GXYLT1: variants seen among roughly 807,000 people sequenced by gnomAD.
GXYLT1 encodes the protein glucoside xylosyltransferase 1.
A neutral mutation model predicts 54.0 loss-of-function variants in GXYLT1; 29 were observed. The ratio of observed to expected loss-of-function variants is 0.54; its 90% CI spans 0.40 to 0.73. The LOEUF is 0.73. Among genes scored for constraint, GXYLT1 ranks in the 30% least tolerant of loss-of-function variants. The pLI is 0.00. For synonymous variants in GXYLT1, 176 were observed against 204.1 expected (o/e 0.86, Z 1.17); for missense variants, 490 against 553.4 (o/e 0.89, Z 1.15).
intron 2 of GXYLT1, among the ~76,000 whole-genome samples, chr12:42,127,484 A>G (rs192391888): frequency 3.9e-5 from 6 of 152,338 alleles, no homozygotes; most frequent in African/African-American, 1.4e-4. Flanking sequence ...TTATGTATCC[A>G]TCCACATATG....
chr12:42,102,762 A>C (rs964365931), intron 5 of GXYLT1, among the ~76,000 whole-genome samples: 1 of 152,132 alleles, frequency 6.6e-6, no homozygotes, highest in African/African-American at 2.4e-5. Flanking sequence ...TAAATACCCT[A>C]ATAGGGATTC....
chr12:42,131,777 T>G (rs1258135845), intron 1 of GXYLT1, among the ~76,000 whole-genome samples: 1 of 152,216 alleles, frequency 6.6e-6, no homozygotes, highest in Non-Finnish European at 1.5e-5. Context: ...TCAGACTCAT[T>G]GATGGTAATA....
At chr12:42,115,566 C>T (rs1346287512) in intron 3 of GXYLT1, among the ~76,000 whole-genome samples, 1 of 152,116 alleles carries the variant, frequency 6.6e-6, no homozygotes. Flanking sequence ...AGGAATCCAA[C>T]TTACAAGGGA....
intron 5 of GXYLT1, among the ~76,000 whole-genome samples, chr12:42,102,583 A>G (rs2065396322): frequency 2.6e-5 from 4 of 152,174 alleles, no homozygotes; most frequent in Admixed American, 2.0e-4. Context: ...CAGTAGGTGG[A>G]GCAAACAGAC....
chr12:42,136,751 T>TATACATACATACATACATAC (rs58827513), intron 1 of GXYLT1, among the ~76,000 whole-genome samples: 1,781 of 147,470 alleles, frequency 0.012, 14 homozygotes, highest in Middle Eastern at 0.031. Context: ...GGAGGTTTTT[T>TATACATACATACATACATAC]ATACATACAT....
rs1237769388 is a variant in GXYLT1, at chr12:42,084,712, G to C, written c.*3074C>G. 1 of 152,274 alleles carries C rather than the reference G, an allele frequency of 6.6e-6. No individual in the cohort carries two copies. The highest frequency in any genetic ancestry group is 1.5e-5 in the Non-Finnish European group (1 of 68,048). The allele number at this position is 152,274 out of a possible 1,614,324, so 9.4% of individuals were successfully genotyped here. A position where few individuals can be genotyped will look rare whatever the true frequency, so the allele number is the denominator to read the frequency against. ...TAACATCTGACTGGAGGCAAGATGA[G>C]AGAGCAATGAGTAAGCACTAATGTT... is the stretch of plus-strand genomic sequence containing the variant. On this transcript the variant is annotated 3_prime_UTR_variant, in exon 8 of 8. Coordinates refer to ENST00000398675, the MANE Select transcript of GXYLT1 (RefSeq NM_173601.2).
At position 42,097,447 on chromosome 12, in the gene GXYLT1, T is replaced by C; in HGVS notation, c.1156A>G (p.Arg386Gly). 1 of 1,561,106 alleles carries C rather than the reference T, an allele frequency of 6.4e-7. No homozygotes were observed. The highest frequency in any genetic ancestry group is 8.6e-7 in the Non-Finnish European group (1 of 1,164,258). ...PAFRAVYEAL[R>G]NCSFEDDNIR... ...AAAGGAAAGGCAAATCTTACATTTC[T>C]CAGTGCTTCATAAACAGCTCTAAAT... is the stretch of plus-strand genomic sequence containing the variant. Residue 386 changes from arginine (R) to glycine (G), a missense_variant, in exon 7 of 8, where the codon AGA becomes GGA. Transcript: ENST00000398675.
intron 5 of GXYLT1, 74 bp downstream of exon 5, chr12:42,105,739 TAATAA>T (rs2065415395): frequency 1.9e-6 from 2 of 1,049,994 alleles, no homozygotes; most frequent in Non-Finnish European, 2.8e-6. Context: ...ATTTAGTTTT[TAATAA>T]AATTTAGTTT....
Position 42,087,730 on chromosome 12 carries a change from C to T in GXYLT1, c.*56G>A. ...AATACTTCATCCAAGACGATTCCTT[C>T]ACACTTATCTTCTGATTCTTTGTTT... On this transcript the variant is annotated 3_prime_UTR_variant, in exon 8 of 8. Coordinates refer to ENST00000398675, the MANE Select transcript of GXYLT1 (RefSeq NM_173601.2). 1 of 1,281,932 alleles carries T rather than the reference C, an allele frequency of 7.8e-7. No individual in the cohort carries two copies. The highest frequency in any genetic ancestry group is 1.1e-6 in the Non-Finnish European group (1 of 919,812). 79.4% of individuals were successfully genotyped at this position (1,281,932 alleles called of 1,614,324 possible).
In GXYLT1 at chr12:42,105,925, T is replaced by C; in HGVS notation, c.757A>G (p.Ile253Val). The C allele has an allele frequency of 1.9e-6, 3 of 1,614,132 alleles. No homozygotes were observed. The highest frequency in any genetic ancestry group is 2.5e-6 in the Non-Finnish European group (3 of 1,179,978). The change falls in exon 5 of 8, where the codon ATA (isoleucine) becomes GTA (valine). Residue 253 changes from isoleucine to valine, a missense_variant. By Grantham distance (29) the Ile-to-Val change is conservative (BLOSUM62 3). This residue lies in a region of GXYLT1 where 342 missense variants were observed against 342.6 expected (regional missense o/e 1.00). Coordinates refer to ENST00000398675, the MANE Select transcript of GXYLT1 (RefSeq NM_173601.2). ...CTAGCAAAGCGATTATACCATCCTA[T>C]TCGAGGTTCCTCATGTTCTGGTGCC... ...AMAPEHEEPR[I>V]GWYNRFARHP...
At chr12:42,101,846 A>G (rs966336708) in intron 5 of GXYLT1, among the ~76,000 whole-genome samples, 22 of 152,214 alleles carry the variant, frequency 1.4e-4, no homozygotes, top group African/African-American at 5.3e-4. Flanking sequence ...TGCTGGGATT[A>G]CAGGCATGAG....
intron 5 of GXYLT1, among the ~76,000 whole-genome samples, chr12:42,099,385 A>G (rs568932065): frequency 3.3e-5 from 5 of 152,330 alleles, no homozygotes; most frequent in South Asian, 2.1e-4. Context: ...CAAATTAACT[A>G]TATATCCTTA....
chr12:42,115,442 C>T (rs890489923), intron 3 of GXYLT1, among the ~76,000 whole-genome samples: 2 of 152,278 alleles, frequency 1.3e-5, no homozygotes, highest in Middle Eastern at 3.4e-3. Context: ...TCTCAGGATA[C>T]AAAATCAATG....
chr12:42,087,938 C>T lies in GXYLT1; in HGVS notation c.1171G>A (p.Glu391Lys), dbSNP rs2065306481. 6.6e-7 allele frequency: 1 copy of T among 1,508,952 alleles called. No homozygotes were observed. Among genetic ancestry groups the T allele is most frequent in the East Asian group, 2.4e-5 (1 of 42,198 alleles). The allele number at this position is 1,508,952 out of a possible 1,614,324, so 93.5% of individuals were successfully genotyped here. ...AATAAGGAACGGATGTTGTCATCTT[C>T]AAAAGAACACTAGAGAAAGAAAATT... ...VYEALRNCSFEDDNIRSLLKP... is the reference protein window; with the variant it reads ...VYEALRNCSFKDDNIRSLLKP... The change falls in exon 8 of 8, where the codon GAA (glutamate) becomes AAA (lysine). Residue 391 changes from glutamate (E) to lysine (K), a missense_variant. Glu to Lys is a moderately conservative substitution (Grantham distance 56). Around this residue, in one of 2 missense-constraint regions of GXYLT1, gnomAD observed 342 missense variants for 342.6 expected, o/e 1.00. Coordinates refer to ENST00000398675, the MANE Select transcript of GXYLT1 (RefSeq NM_173601.2).
intron 5 of GXYLT1, 62 bp from the exon 6 acceptor site, chr12:42,098,095 C>T (rs1489430304): frequency 2.3e-5 from 34 of 1,499,026 alleles, no homozygotes; most frequent in Non-Finnish European, 2.9e-5. Flanking sequence ...AGCATGATGA[C>T]AGTTCCTCAT....
At chr12:42,112,512 C>A (rs2065464614) in intron 3 of GXYLT1, among the ~76,000 whole-genome samples, 1 of 152,036 alleles carries the variant, frequency 6.6e-6, no homozygotes, top group Non-Finnish European at 1.5e-5. Flanking sequence ...CCTCAGTAGC[C>A]AATGCGACCA....
intron 7 of GXYLT1, among the ~76,000 whole-genome samples, chr12:42,089,342 T>A (rs7967605): frequency 0.019 from 1,105 of 57,842 alleles, 16 homozygotes; most frequent in African/African-American, 0.07. Flanking sequence ...TGTTGTGGGG[T>A]GGGGGGAGGG....
At chr12:42,114,260 G>T (rs900073803) in intron 3 of GXYLT1, among the ~76,000 whole-genome samples, 1 of 152,036 alleles carries the variant, frequency 6.6e-6, no homozygotes, top group Non-Finnish European at 1.5e-5. Flanking sequence ...CCTAGCAGAA[G>T]GCAAGAAATA....
intron 5 of GXYLT1, among the ~76,000 whole-genome samples, chr12:42,102,830 TTATC>T (rs2065397576): frequency 6.6e-6 from 1 of 152,144 alleles, no homozygotes; most frequent in African/African-American, 2.4e-5. Context: ...ATGTTATTCA[TTATC>T]TAGCAAATAT....
Sources: allele counts gnomAD v4.1 joint callset (sites outside exome capture counted in the v4.1 genomes callset), GRCh38; gene constraint gnomAD v4.1.1; regional missense constraint gnomAD v4.1.1; transcripts MANE v1.5; gene names NCBI Gene and HGNC (gene_info 2026-07-23, HGNC 2026-07-21).